SATL1: variants seen among roughly 807,000 people sequenced by gnomAD.
SATL1 encodes spermidine/spermine N1-acetyl transferase like 1.
Under a neutral mutation model 51.8 loss-of-function variants are expected in SATL1, and 47 were observed. That is an observed-to-expected ratio of 0.91 (90% CI 0.72 to 1.16). The LOEUF is 1.16. Ranked by LOEUF, SATL1 falls within the 50% of genes most tolerant of loss-of-function variation. The probability of loss-of-function intolerance (pLI) is 0.00; values close to 1 mark genes in which losing one functional copy is unlikely to be tolerated. For missense variants in SATL1, 520 were observed against 526.4 expected (o/e 0.99, Z 0.12); for synonymous variants, 176 against 182.4 (o/e 0.97, Z 0.28).
intron 2 of SATL1, among the ~76,000 whole-genome samples, chrX:85,200,750 A>G (rs925677975): frequency 9.0e-6 from 1 of 111,592 alleles, no homozygotes; most frequent in Non-Finnish European, 1.9e-5. Flanking sequence ...GACATGTGGT[A>G]TAAAAAAGTT....
chrX:85,200,932 G>A (rs1043742631), intron 2 of SATL1, among the ~76,000 whole-genome samples: 10 of 110,732 alleles, frequency 9.0e-5, no homozygotes, highest in Middle Eastern at 9.5e-3. Context: ...TCTTTATTAG[G>A]TGTAGTGCCA....
At chrX:85,129,942 A>T (rs1486155574) in intron 2 of SATL1, among the ~76,000 whole-genome samples, 2 of 111,441 alleles carry the variant, frequency 1.8e-5, no homozygotes, top group Non-Finnish European at 3.8e-5. Context: ...TATGTGATGG[A>T]TTATGTTTAT....
At chrX:85,120,805 A>C (rs1377811812) in intron 2 of SATL1, among the ~76,000 whole-genome samples, 1 of 111,364 alleles carries the variant, frequency 9.0e-6, no homozygotes. Context: ...GTTGTCTGTC[A>C]TAGCAAGGCG....
At chrX:85,241,364 C>T (rs190279830) in intron 1 of SATL1, among the ~76,000 whole-genome samples, 1 of 110,949 alleles carries the variant, frequency 9.0e-6, no homozygotes, top group East Asian at 2.9e-4. Context: ...ATTCATACAC[C>T]AAACTTCAGC....
At chrX:85,111,356 G>A (rs1442690986) in intron 2 of SATL1, among the ~76,000 whole-genome samples, 3 of 111,538 alleles carry the variant, frequency 2.7e-5, no homozygotes, top group Non-Finnish European at 3.8e-5. Context: ...TGTTTTTAAC[G>A]GAACATACAA....
chrX:85,241,474 G>A (rs1029341843), intron 1 of SATL1, among the ~76,000 whole-genome samples: 2 of 111,683 alleles, frequency 1.8e-5, no homozygotes, highest in Admixed American at 1.9e-4. Context: ...TGAATGCTTT[G>A]GGCTTATGAT....
At chrX:85,218,202 C>A (rs1307764417) in intron 2 of SATL1, among the ~76,000 whole-genome samples, 2 of 109,966 alleles carry the variant, frequency 1.8e-5, no homozygotes, top group African/African-American at 6.6e-5. Context: ...ATAATCTGTA[C>A]ACCAAATCGC....
intron 1 of SATL1, among the ~76,000 whole-genome samples, chrX:85,224,904 C>A (rs1928245792): frequency 9.0e-6 from 1 of 110,590 alleles, no homozygotes. Flanking sequence ...AATAAACAAA[C>A]CATGAAACAT....
chrX:85,123,194 C>A (rs1173091799), intron 2 of SATL1, among the ~76,000 whole-genome samples: 1 of 111,156 alleles, frequency 9.0e-6, no homozygotes, highest in Non-Finnish European at 1.9e-5. Flanking sequence ...AATGGGATTG[C>A]TGGATCAAAT....
chrX:85,146,183 C>T (rs1215669432), intron 2 of SATL1, among the ~76,000 whole-genome samples: 1 of 111,809 alleles, frequency 8.9e-6, no homozygotes, highest in African/African-American at 3.3e-5. Flanking sequence ...CAGGCCTGAG[C>T]CACTGTGCCC....
intron 2 of SATL1, among the ~76,000 whole-genome samples, chrX:85,214,994 G>A (rs1454081877): frequency 2.7e-5 from 3 of 111,935 alleles, no homozygotes; most frequent in Non-Finnish European, 3.8e-5. Context: ...GGCTGCAGTC[G>A]CACACTTCCA....
At chrX:85,150,642 G>C (rs756171552) in intron 2 of SATL1, among the ~76,000 whole-genome samples, 5 of 111,770 alleles carry the variant, frequency 4.5e-5, no homozygotes, top group African/African-American at 1.6e-4. Context: ...TCATCCCTGG[G>C]ATGCAAGGCT....
At chrX:85,201,125 C>T (rs1032640748) in intron 2 of SATL1, among the ~76,000 whole-genome samples, 2 of 111,467 alleles carry the variant, frequency 1.8e-5, no homozygotes, top group African/African-American at 3.3e-5. Context: ...GCTTCCAGCA[C>T]GTTCACATAA....
intron 2 of SATL1, among the ~76,000 whole-genome samples, chrX:85,223,989 C>T (rs1442611865): frequency 8.9e-6 from 1 of 111,790 alleles, no homozygotes; most frequent in Non-Finnish European, 1.9e-5. Flanking sequence ...CGATAAGTGG[C>T]AAAGGAAGAC....
chrX:85,113,980 C>T (rs182634590), intron 2 of SATL1, among the ~76,000 whole-genome samples: 55 of 111,574 alleles, frequency 4.9e-4, no homozygotes, highest in African/African-American at 1.6e-3. Context: ...GGTATGAGGC[C>T]GGTTTTCACA....
intron 1 of SATL1, among the ~76,000 whole-genome samples, chrX:85,227,634 G>A (rs777955068): frequency 9.8e-5 from 9 of 92,219 alleles, no homozygotes; most frequent in African/African-American, 2.9e-4. Context: ...GGATGCAATC[G>A]CAAAATACAG....
intron 2 of SATL1, chrX:85,211,889 G>C (rs1452697149): frequency 9.0e-6 from 1 of 111,688 alleles, no homozygotes; most frequent in Non-Finnish European, 1.9e-5. Flanking sequence ...TAGTCCTGGA[G>C]CTATCTTGAT....
chrX:85,122,102 C>T (rs1330275304), intron 2 of SATL1, among the ~76,000 whole-genome samples: 8 of 109,653 alleles, frequency 7.3e-5, no homozygotes, highest in African/African-American at 2.6e-4. Context: ...CTCTCGCTCT[C>T]ATATTCAGGC....
At chrX:85,211,719 C>A (rs1179650546) in intron 2 of SATL1, 1 of 110,985 alleles carries the variant, frequency 9.0e-6, no homozygotes, top group East Asian at 2.8e-4. Context: ...CATTCGATAT[C>A]CCTATATAGA....
Sources: allele counts gnomAD v4.1 joint callset (sites outside exome capture counted in the v4.1 genomes callset), GRCh38; gene constraint gnomAD v4.1.1; transcripts MANE v1.5; gene names NCBI Gene and HGNC (gene_info 2026-07-23, HGNC 2026-07-21).